Variants in PMP22 observed in about 807,000 individuals in gnomAD.
PMP22 encodes peripheral myelin protein 22.
A neutral mutation model predicts 18.9 loss-of-function variants in PMP22; 2 were observed. That is an observed-to-expected ratio of 0.11 (90% CI 0.04 to 0.33). PMP22 has a LOEUF of 0.33. PMP22 is among the 10% of genes least tolerant of loss of function. PMP22 has a pLI of 1.00. For synonymous variants in PMP22, 95 were observed against 89.2 expected (o/e 1.07, Z -0.37); for missense variants, 169 against 202.2 (o/e 0.84, Z 1.00).
chr17:15,231,130 G>A (rs772738577), intron 4 of PMP22, 50 bp from the exon 5 acceptor site: 183 of 1,588,674 alleles, frequency 1.2e-4, no homozygotes, highest in Non-Finnish European at 1.5e-4. Context: ...ATGGCAGAGC[G>A]GCCCCCTCTC....
intron 3 of PMP22, among the ~76,000 whole-genome samples, chr17:15,247,503 A>G (rs1216657456): frequency 1.3e-5 from 2 of 152,178 alleles, no homozygotes; most frequent in Non-Finnish European, 2.9e-5. Flanking sequence ...CCCAGCAGAT[A>G]GTGGGAAGCT....
At chr17:15,234,265 CA>C (rs1357460816) in intron 4 of PMP22, among the ~76,000 whole-genome samples, 1 of 152,154 alleles carries the variant, frequency 6.6e-6, no homozygotes, top group Non-Finnish European at 1.5e-5. Flanking sequence ...TCTCAGAAGC[CA>C]GGGGAATAGA....
At chr17:15,231,720 C>T (rs960469496) in intron 4 of PMP22, among the ~76,000 whole-genome samples, 7 of 152,174 alleles carry the variant, frequency 4.6e-5, no homozygotes, top group Non-Finnish European at 8.8e-5. Flanking sequence ...GACTGGGAAG[C>T]CACGCTGCAG....
Position 15,239,973 on chromosome 17 carries a change from T to C in PMP22, c.179-362A>G, listed in dbSNP as rs117927613. Among the ~76,000 whole-genome samples the C allele has an allele frequency of 1.2e-4, 19 of 152,268 alleles. No individual in the cohort carries two copies. The East Asian group carries it at 3.3e-3, about 26-fold the overall frequency. On this transcript the variant is annotated intron_variant, in intron 3 of 4. Transcript: ENST00000312280. ...TTCTATATATATGTGTATATACACA[T>C]ATACAAATACGTGACACACACATAT...
In PMP22 at chr17:15,239,620, A is replaced by T; in HGVS notation, c.179-9T>A. 1 of 1,613,750 alleles carries T rather than the reference A, an allele frequency of 6.2e-7. No individual in the cohort carries two copies. The highest frequency in any genetic ancestry group is 8.5e-7 in the Non-Finnish European group (1 of 1,179,852). ...GACAGACTGCAGCCATTCTGGGGGAAAGAGACACTTGGTTAGGAGAGCTGG... is the reference window on the plus strand; with the variant it reads ...GACAGACTGCAGCCATTCTGGGGGATAGAGACACTTGGTTAGGAGAGCTGG... On this transcript the variant is annotated splice_polypyrimidine_tract_variant and intron_variant, in intron 3 of 4. Transcript: ENST00000312280.
intron 3 of PMP22, among the ~76,000 whole-genome samples, chr17:15,248,791 G>A (rs1015779710): frequency 2.0e-5 from 3 of 152,204 alleles, no homozygotes; most frequent in Non-Finnish European, 4.4e-5. Flanking sequence ...ATCAAAGCCT[G>A]CTTAACTTTC....
At chr17:15,235,493 G>GATGGCT (rs376998729) in intron 4 of PMP22, among the ~76,000 whole-genome samples, 19 of 152,318 alleles carry the variant, frequency 1.2e-4, no homozygotes, top group African/African-American at 4.3e-4. Flanking sequence ...TCAAGGAATA[G>GATGGCT]ATGGCTATAG....
At chr17:15,247,249 G>A (rs971191642) in intron 3 of PMP22, among the ~76,000 whole-genome samples, 3 of 151,570 alleles carry the variant, frequency 2.0e-5, no homozygotes, top group Non-Finnish European at 2.9e-5. Context: ...GGCACCTGTA[G>A]TCCCAACTAC....
chr17:15,245,178 T>A (rs1378822429), intron 3 of PMP22, among the ~76,000 whole-genome samples: 1 of 152,196 alleles, frequency 6.6e-6, no homozygotes, highest in Non-Finnish European at 1.5e-5. Flanking sequence ...AGAGCTCTCG[T>A]TGTTGCTCAA....
rs75718751 is a variant in PMP22, at chr17:15,249,875, T to C, written c.178+9219A>G. On this transcript the variant is annotated intron_variant, in intron 3 of 4. Transcript: ENST00000312280. ...CACATCAGGCATGAATGAAGGCAAC[T>C]AGAAGTGAATGGACAAAAGAGGGGC... Among the ~76,000 whole-genome samples, 59 of 152,252 alleles carry C rather than the reference T, an allele frequency of 3.9e-4. No homozygotes were observed. In the East Asian group the frequency reaches 0.011, roughly 27 times the overall value.
rs1015164705 is a variant in PMP22, at chr17:15,239,243, T to C, written c.319+228A>G. 1.9e-5 allele frequency: 12 copies of C among 623,468 alleles called. No homozygotes were observed. In the African/African-American group the frequency reaches 2.0e-4, roughly 10 times the overall value. 38.6% of individuals were successfully genotyped at this position (623,468 alleles called of 1,614,324 possible). ...TCCAGATCCTCTAAGTTCTCTTTCA[T>C]ATGCATCTCATTCCAGGGAGAAGGG... On this transcript the variant is annotated intron_variant, in intron 4 of 4. Transcript: ENST00000312280.
chr17:15,255,545 C>G (rs1294615616), intron 3 of PMP22, among the ~76,000 whole-genome samples: 1 of 152,182 alleles, frequency 6.6e-6, no homozygotes, highest in African/African-American at 2.4e-5. Context: ...CTCCATACCT[C>G]TCTCAGGCTA....
chr17:15,245,166 C>T (rs1028190372), intron 3 of PMP22, among the ~76,000 whole-genome samples: 1 of 152,182 alleles, frequency 6.6e-6, no homozygotes, highest in Admixed American at 6.5e-5. Flanking sequence ...GTGCAAGATT[C>T]AAGAGCTCTC....
chr17:15,241,375 T>A (rs1907300867), intron 3 of PMP22, among the ~76,000 whole-genome samples: 1 of 152,186 alleles, frequency 6.6e-6, no homozygotes, highest in African/African-American at 2.4e-5. Context: ...AGCACTTTGG[T>A]AGATGCAGCT....
At chr17:15,243,541 C>T (rs1454863572) in intron 3 of PMP22, among the ~76,000 whole-genome samples, 1 of 151,522 alleles carries the variant, frequency 6.6e-6, no homozygotes, top group East Asian at 1.9e-4. Context: ...ACATATAAAA[C>T]CAATGAGTCA....
intron 2 of PMP22, chr17:15,260,394 C>T (rs1300276080): frequency 1.8e-6 from 1 of 556,338 alleles, no homozygotes; most frequent in Admixed American, 3.0e-5. Flanking sequence ...GACCCTAGAT[C>T]GGCTCTGAAG....
Position 15,258,812 on chromosome 17 carries a change from T to G in PMP22, c.178+282A>C. The G allele has an allele frequency of 8.6e-6, 4 of 463,332 alleles. No homozygotes were observed. The highest frequency in any genetic ancestry group is 4.0e-6 in the Non-Finnish European group (1 of 250,510). 28.7% of individuals were successfully genotyped at this position (463,332 alleles called of 1,614,324 possible). ...ACCACCTTCACAGCTCCCAGGTCGA[T>G]ATTTTTTTCAATCACAAAAAGCATT... On this transcript the variant is annotated intron_variant, in intron 3 of 4. Transcript: ENST00000312280. The surrounding 1 kb of genome is among the most constrained non-coding windows in gnomAD (Gnocchi z 4.1).
chr17:15,237,181 A>C (rs947758497), intron 4 of PMP22, among the ~76,000 whole-genome samples: 7 of 152,234 alleles, frequency 4.6e-5, no homozygotes, highest in Non-Finnish European at 7.3e-5. Context: ...GGATTAGTAA[A>C]TATACTTAAA....
intron 1 of PMP22, among the ~76,000 whole-genome samples, chr17:15,263,623 C>G (rs1909518705): frequency 6.6e-6 from 1 of 151,778 alleles, no homozygotes; most frequent in Admixed American, 6.6e-5. Flanking sequence ...CTCTAGTGTA[C>G]TGTGTCATAG....
Sources: allele counts gnomAD v4.1 joint callset (sites outside exome capture counted in the v4.1 genomes callset), GRCh38; gene constraint gnomAD v4.1.1; non-coding constraint Gnocchi (gnomAD v3.1); transcripts MANE v1.5; gene names NCBI Gene and HGNC (gene_info 2026-07-23, HGNC 2026-07-21).